Variants in TEX9 observed in about 807,000 individuals in gnomAD.
TEX9 encodes the protein testis-expressed protein 9.
In TEX9, 74 loss-of-function variants were observed where a neutral mutation model predicts 59.6. The ratio of observed to expected loss-of-function variants is 1.24; its 90% confidence interval spans 1.03 to 1.51. TEX9 has a LOEUF of 1.51. TEX9 is among the 40% of genes most tolerant of loss of function. The pLI is 0.00. For synonymous variants in TEX9, 186 were observed against 152.2 expected (o/e 1.22, Z -1.64); for missense variants, 522 against 447.8 (o/e 1.17, Z -1.49).
At chr15:56,448,429 A>G (rs982422546), downstream of TEX9, among the ~76,000 whole-genome samples, 1 of 152,074 alleles carries the variant, frequency 6.6e-6, no homozygotes, top group African/African-American at 2.4e-5. Context: ...TGTTGTTCCC[A>G]TATATGTCTA....
chr15:56,429,217 T>G, intron 12 of TEX9: 1 of 1,482,594 alleles, frequency 6.7e-7, no homozygotes, highest in Non-Finnish European at 9.3e-7. Context: ...ACTTTGTGGG[T>G]TACTTTTGAA....
At chr15:56,449,663 T>C (rs535514414), downstream of TEX9, among the ~76,000 whole-genome samples, 3 of 152,352 alleles carry the variant, frequency 2.0e-5, no homozygotes, top group South Asian at 6.2e-4. Context: ...TTGTCCTGAA[T>C]GTTTGGTAAA....
intron 1 of TEX9, among the ~76,000 whole-genome samples, chr15:56,283,049 GGTGTGTGTGT>G (rs3985761): frequency 5.4e-5 from 8 of 148,440 alleles, no homozygotes; most frequent in African/African-American, 2.0e-4. Flanking sequence ...TACATTGTGT[GGTGTGTGTGT>G]GTGTGTGTGT....
intron 9 of TEX9, 71 bp from the exon 10 acceptor site, chr15:56,412,231 A>G: frequency 7.0e-7 from 1 of 1,425,132 alleles, no homozygotes; most frequent in Admixed American, 2.2e-5. Context: ...GATATGGAAG[A>G]TACTGCAAAA....
At chr15:56,305,430 A>G (rs2045457396) in intron 1 of TEX9, among the ~76,000 whole-genome samples, 1 of 152,232 alleles carries the variant, frequency 6.6e-6, no homozygotes, top group African/African-American at 2.4e-5. Flanking sequence ...ACAGACACAT[A>G]GACCAAAGAA....
the TEX9 span, among the ~76,000 whole-genome samples, chr15:56,458,553 T>C: frequency 4.9e-5 from 3 of 61,312 alleles, no homozygotes; most frequent in African/African-American, 2.0e-4. Context: ...TAATCATATG[T>C]ATCTACCGTA....
At chr15:56,290,730 C>T (rs1451198889) in intron 1 of TEX9, among the ~76,000 whole-genome samples, 2 of 152,050 alleles carry the variant, frequency 1.3e-5, no homozygotes, top group African/African-American at 4.8e-5. Context: ...GCTGGAATTA[C>T]AGACGTGAGC....
At chr15:56,413,180 C>CTATTTAATAATTAAATATTTAA (rs1343355926) in intron 10 of TEX9, among the ~76,000 whole-genome samples, 5 of 47,306 alleles carry the variant, frequency 1.1e-4, no homozygotes, top group African/African-American at 2.8e-4. Flanking sequence ...TTTTTAAATT[C>CTATTTAATAATTAAATATTTAA]TATTTAATAA....
chr15:56,453,690 A>G, the TEX9 span, among the ~76,000 whole-genome samples: 1 of 152,170 alleles, frequency 6.6e-6, no homozygotes, highest in African/African-American at 2.4e-5. Flanking sequence ...TTAAAATAGG[A>G]TTTCTAAAAA....
At chr15:56,256,531 T>C (rs937090879) in intron 1 of TEX9, among the ~76,000 whole-genome samples, 3 of 151,834 alleles carry the variant, frequency 2.0e-5, no homozygotes, top group African/African-American at 7.3e-5. Flanking sequence ...AGGGTATTAC[T>C]AAAGGAAAAA....
chr15:56,443,538 C>T lies in TEX9; in HGVS notation c.*30-2133C>T, dbSNP rs1466640355. ...GCATTTCTTCTAATTTCTGTGTCAA[C>T]TATTAAATTTTTTAAAAAACATAAA... On this transcript the variant is annotated intron_variant, in intron 12 of 12. Coordinates refer to ENST00000352903, the Ensembl canonical transcript of TEX9. The T allele has an allele frequency of 2.5e-6, 4 of 1,581,964 alleles. No homozygotes were observed. In the Admixed American group the frequency reaches 5.8e-5, roughly 23 times the overall value.
chr15:56,343,191 C>G (rs553705068), intron 1 of TEX9, among the ~76,000 whole-genome samples: 1 of 152,184 alleles, frequency 6.6e-6, no homozygotes, highest in South Asian at 2.1e-4. Context: ...TAGAAAATAT[C>G]TGAACTGATT....
intron 12 of TEX9, among the ~76,000 whole-genome samples, chr15:56,431,034 G>A (rs1297865849): frequency 6.6e-6 from 1 of 152,126 alleles, no homozygotes; most frequent in Non-Finnish European, 1.5e-5. Context: ...GGTGGCAAAC[G>A]CCTGTAATCC....
At chr15:56,389,277 T>A in intron 5 of TEX9, 41 bp from the exon 6 acceptor site, 1 of 1,498,196 alleles carries the variant, frequency 6.7e-7, no homozygotes, top group Non-Finnish European at 9.3e-7. Flanking sequence ...GGCAAATGAT[T>A]AGACTCTAAT....
chr15:56,384,352 A>T (rs1396626532), intron 4 of TEX9, among the ~76,000 whole-genome samples: 1 of 152,220 alleles, frequency 6.6e-6, no homozygotes, highest in African/African-American at 2.4e-5. Context: ...AGTCTCTTAC[A>T]GTTGTCATTG....
chr15:56,312,752 T>C (rs1357352268), intron 1 of TEX9, among the ~76,000 whole-genome samples: 7 of 110,530 alleles, frequency 6.3e-5, no homozygotes, highest in East Asian at 2.4e-4. Context: ...GCCATTTTCA[T>C]GATATTGATT....
chr15:56,401,261 G>C (rs1185585673), intron 9 of TEX9, among the ~76,000 whole-genome samples: 12 of 126,594 alleles, frequency 9.5e-5, no homozygotes, highest in African/African-American at 3.6e-4. Context: ...GACACACACA[G>C]GCTCAAAATA....
intron 1 of TEX9, among the ~76,000 whole-genome samples, chr15:56,289,549 T>C (rs1187452106): frequency 1.3e-5 from 2 of 152,346 alleles, no homozygotes; most frequent in East Asian, 3.9e-4. Flanking sequence ...ACTGTGGCTA[T>C]TCACAGTGGC....
At chr15:56,358,202 G>A (rs1365818449) in intron 1 of TEX9, among the ~76,000 whole-genome samples, 1 of 152,096 alleles carries the variant, frequency 6.6e-6, no homozygotes, top group African/African-American at 2.4e-5. Context: ...CATTTTCTCA[G>A]CTTAACCTTT....
Sources: gnomAD v4.1 joint callset for allele counts (sites outside exome capture counted in the v4.1 genomes callset) on GRCh38, gnomAD v4.1.1 for gene constraint, MANE v1.5 for transcripts, NCBI Gene and HGNC (gene_info 2026-07-23, HGNC 2026-07-21) for gene names.